The following PID1 variants were observed in gnomAD, a reference collection of about 807,000 sequenced individuals.
The protein encoded by PID1 is phosphotyrosine interaction domain containing 1.
Under a neutral mutation model 19.1 loss-of-function variants are expected in PID1, and 10 were observed. The observed-to-expected ratio is 0.52, with a 90% CI of 0.32 to 0.89. The LOEUF is 0.89. PID1 is among the 40% of genes least tolerant of loss of function. The pLI is 0.03. For missense variants in PID1, 248 were observed against 285.3 expected, an observed-to-expected ratio of 0.87 and a Z score of 0.94; for synonymous variants, 130 against 116.0, an observed-to-expected ratio of 1.12 and a Z score of -0.78.
At chr2:229,168,544 C>A (rs1238945055) in intron 1 of PID1, among the ~76,000 whole-genome samples, 1 of 152,114 alleles carries the variant, frequency 6.6e-6, no homozygotes, top group Non-Finnish European at 1.5e-5. Flanking sequence ...CTGACTGTTT[C>A]TTACATGGTT....
chr2:229,145,486 A>G (rs1454308615), intron 2 of PID1, among the ~76,000 whole-genome samples: 2 of 152,060 alleles, frequency 1.3e-5, no homozygotes, highest in African/African-American at 4.8e-5. Flanking sequence ...AGATAAATAA[A>G]CCATAAATTC....
chr2:229,152,641 T>C (rs1172162587), intron 2 of PID1, among the ~76,000 whole-genome samples: 1 of 145,644 alleles, frequency 6.9e-6, no homozygotes, highest in African/African-American at 2.5e-5. Flanking sequence ...GTTGTACAGT[T>C]AAATAACTCT....
At chr2:229,256,762 T>C (rs1409244552) in intron 1 of PID1, among the ~76,000 whole-genome samples, 1 of 152,222 alleles carries the variant, frequency 6.6e-6, no homozygotes, top group African/African-American at 2.4e-5. Context: ...AAGATATTAG[T>C]ATTTATCTGA....
chr2:229,032,373 T>C (rs1354075567), intron 2 of PID1, among the ~76,000 whole-genome samples: 1 of 152,174 alleles, frequency 6.6e-6, no homozygotes. Flanking sequence ...GCAACTAACA[T>C]AGCTGTGCAC....
intron 1 of PID1, among the ~76,000 whole-genome samples, chr2:229,240,920 G>A (rs1293854899): frequency 3.9e-5 from 6 of 152,022 alleles, no homozygotes; most frequent in African/African-American, 1.4e-4. Context: ...TTGTTCAACT[G>A]GAGTAATATC....
At chr2:229,055,754 G>T (rs1694085607) in intron 2 of PID1, among the ~76,000 whole-genome samples, 1 of 152,190 alleles carries the variant, frequency 6.6e-6, no homozygotes, top group Admixed American at 6.5e-5. Flanking sequence ...TAAAGCCTGA[G>T]AATATGGCCA....
intron 2 of PID1, among the ~76,000 whole-genome samples, chr2:229,072,137 T>A (rs1191521401): frequency 2.0e-5 from 3 of 152,192 alleles, no homozygotes; most frequent in African/African-American, 7.2e-5. Context: ...CCAAGTAAGA[T>A]AACTCAGTTT....
intron 2 of PID1, among the ~76,000 whole-genome samples, chr2:229,047,465 A>G (rs1026519528): frequency 6.6e-5 from 10 of 152,238 alleles, no homozygotes; most frequent in African/African-American, 2.2e-4. Context: ...TTAGAAAACA[A>G]AGGAATAAAA....
At chr2:229,032,126 G>T (rs1211364807) in intron 2 of PID1, among the ~76,000 whole-genome samples, 1 of 152,166 alleles carries the variant, frequency 6.6e-6, no homozygotes, top group African/African-American at 2.4e-5. Context: ...GGGCCATGGA[G>T]TTCCCCCATC....
intron 1 of PID1, among the ~76,000 whole-genome samples, chr2:229,164,212 A>T (rs962912554): frequency 6.6e-6 from 1 of 152,200 alleles, no homozygotes; most frequent in South Asian, 2.1e-4. Flanking sequence ...CCCATACATT[A>T]CTTGCTTGTC....
intron 1 of PID1, among the ~76,000 whole-genome samples, chr2:229,186,600 AAGTCC>A: frequency 6.6e-6 from 1 of 152,170 alleles, no homozygotes; most frequent in African/African-American, 2.4e-5. Context: ...ACAGGGCACC[AAGTCC>A]CTAGGCTGCA....
At chr2:229,076,230 A>C (rs1242221217) in intron 2 of PID1, among the ~76,000 whole-genome samples, 2 of 152,098 alleles carry the variant, frequency 1.3e-5, no homozygotes, top group Admixed American at 1.3e-4. Flanking sequence ...CTCAACACCC[A>C]ATCTCTTCCT....
At position 229,024,674 on chromosome 2, in the gene PID1, G is replaced by A. The variant is rs1693371787; in HGVS notation, c.*958C>T. On this transcript the variant is annotated 3_prime_UTR_variant, in exon 3 of 3. Transcript: ENST00000392055. ...AGATTTGAAGCTTGCCATCAAGGAT[G>A]CATCAGACAGGACCATTAATTAAAT... The A allele has an allele frequency of 6.6e-6, 1 of 152,640 alleles. No individual in the cohort carries two copies. Among genetic ancestry groups the A allele is most frequent in the South Asian group, 2.1e-4 (1 of 4,834 alleles). 9.5% of individuals were successfully genotyped at this position (152,640 alleles called of 1,614,324 possible). A position where few individuals can be genotyped will look rare whatever the true frequency, so the allele number is the denominator to read the frequency against.
At chr2:229,115,849 A>G (rs1574641369) in intron 2 of PID1, among the ~76,000 whole-genome samples, 1 of 152,178 alleles carries the variant, frequency 6.6e-6, no homozygotes, top group Admixed American at 6.5e-5. Flanking sequence ...CCCAAAATCC[A>G]GAGGTGAGTC....
chr2:229,108,382 G>A (rs780755659), intron 2 of PID1, among the ~76,000 whole-genome samples: 1 of 152,202 alleles, frequency 6.6e-6, no homozygotes, highest in Non-Finnish European at 1.5e-5. Context: ...AGTGACAGAT[G>A]ACACCAATGC....
chr2:229,183,624 G>C (rs1212764352), intron 1 of PID1, among the ~76,000 whole-genome samples: 1 of 152,056 alleles, frequency 6.6e-6, no homozygotes, highest in African/African-American at 2.4e-5. Flanking sequence ...GGGTACATCA[G>C]TCTTTTGCTG....
In PID1 at chr2:229,025,974, T is replaced by G. The variant is rs369349795; in HGVS notation, c.312A>C (p.Glu104Asp). 3.7e-6 allele frequency: 6 copies of G among 1,614,064 alleles called. No individual in the cohort carries two copies. Among genetic ancestry groups the G allele is most frequent in the Admixed American group, 1.7e-5 (1 of 60,006 alleles). Residue 104 changes from glutamate to aspartate, a missense_variant, in exon 3 of 3, where the codon GAA becomes GAC. Coordinates refer to ENST00000392055, the MANE Select transcript of PID1 (RefSeq NM_001100818.2). ...EDVFPANALL[E>D]IRPFQVWLHH... is the part of the protein sequence containing the mutation. The stretch of plus-strand genomic sequence containing the variant: ...GGAGCCAAACTTGGAATGGCCGGAT[T>G]TCCAGGAGGGCATTGGCCGGAAAGA...
intron 1 of PID1, among the ~76,000 whole-genome samples, chr2:229,204,290 G>C (rs1239512184): frequency 6.6e-6 from 1 of 152,066 alleles, no homozygotes; most frequent in African/African-American, 2.4e-5. Flanking sequence ...AGGAACATTA[G>C]TTTCTCAACT....
intron 2 of PID1, among the ~76,000 whole-genome samples, chr2:229,027,941 G>C (rs937482300): frequency 6.6e-6 from 1 of 152,176 alleles, no homozygotes; most frequent in Non-Finnish European, 1.5e-5. Context: ...AGGAGTGCCT[G>C]GATGTGATAG....
Sources: allele counts gnomAD v4.1 joint callset (sites outside exome capture counted in the v4.1 genomes callset), GRCh38; gene constraint gnomAD v4.1.1; transcripts MANE v1.5; gene names NCBI Gene and HGNC (gene_info 2026-07-23, HGNC 2026-07-21).